The following LATS2 variants were observed in gnomAD, a reference collection of about 807,000 sequenced individuals.
LATS2 encodes large tumor suppressor kinase 2.
LATS2 carries 24 observed loss-of-function variants against 76.0 expected under a neutral mutation model. The observed-to-expected ratio is 0.32, with a 90% CI of 0.23 to 0.44. LATS2 has a LOEUF of 0.44. LATS2 is among the 20% of genes least tolerant of loss of function. LATS2 has a pLI of 1.00. For synonymous variants in LATS2, 692 were observed against 635.4 expected, an observed-to-expected ratio of 1.09 and a Z score of -1.34; for missense variants, 1,286 against 1,481.2, an observed-to-expected ratio of 0.87 and a Z score of 2.16.
rs55869942 is a variant in LATS2 at position 20,975,245 on chromosome 13, G to T, written c.2892C>A (p.Ala964=). 6.2e-7 allele frequency: 1 copy of T among 1,614,108 alleles called. No homozygotes were observed. The highest frequency in any genetic ancestry group is 2.2e-5 in the East Asian group (1 of 44,880). The stretch of plus-strand genomic sequence containing the variant: ...AGAAGGGGTGGGCCTTCAGGTCATC[G>T]GCCCCATTCCGCCCCAGGCGGTGGT... ...SADHRLGRNG[A]DDLKAHPFFS... The change falls in exon 8 of 8, where the codon GCC becomes GCA. Residue 964 remains alanine, a synonymous_variant. Transcript: ENST00000382592.
intron 6 of LATS2, among the ~76,000 whole-genome samples, chr13:20,980,078 A>T (rs688663): frequency 0.78 from 118,116 of 152,160 alleles, 46,571 homozygotes; most frequent in Middle Eastern, 0.85. Context: ...AATAGTTACT[A>T]GCCAGAATTT....
chr13:20,992,021 G>C (rs1385165629), intron 2 of LATS2, among the ~76,000 whole-genome samples: 1 of 152,192 alleles, frequency 6.6e-6, no homozygotes, highest in South Asian at 2.1e-4. Flanking sequence ...CAAACTGCTT[G>C]TGGGAAGAAC....
intron 1 of LATS2, among the ~76,000 whole-genome samples, chr13:21,048,588 T>C (rs1051679476): frequency 6.6e-6 from 1 of 152,114 alleles, no homozygotes; most frequent in Non-Finnish European, 1.5e-5. Context: ...CCCAGCCACT[T>C]TGGGAGGTCA....
chr13:20,979,167 T>TATAAA (rs1869759079), intron 7 of LATS2, among the ~76,000 whole-genome samples: 1 of 152,210 alleles, frequency 6.6e-6, no homozygotes, highest in African/African-American at 2.4e-5. Flanking sequence ...ATCTAATACA[T>TATAAA]ATAAAATACA....
rs2138296648 is a variant in LATS2 at position 20,991,286 on chromosome 13, T to G, written c.461A>C (p.Lys154Thr). 1 of 1,614,200 alleles carries G rather than the reference T, an allele frequency of 6.2e-7. No individual in the cohort carries two copies. The highest frequency in any genetic ancestry group is 1.3e-5 in the African/African-American group (1 of 75,072). The change falls in exon 3 of 8, where the codon AAG becomes ACG. Residue 154 changes from lysine (K) to threonine (T), a missense_variant. This residue lies in a region of LATS2 where 18 missense variants were observed against 58.5 expected (regional missense o/e 0.31). Coordinates refer to ENST00000382592, the MANE Select transcript of LATS2 (RefSeq NM_014572.3). The surrounding 1 kb of genome is among the most constrained non-coding windows in gnomAD (Gnocchi z 4.9). ...CCTGGGCTCACCTGGGGAGGTCTGCTTAATGACCCGCACAATCTGCTCATT... is the reference window on the plus strand; with the variant it reads ...CCTGGGCTCACCTGGGGAGGTCTGCGTAATGACCCGCACAATCTGCTCATT... ...PRNEQIVRVI[K>T]QTSPGKGLMP...
intron 1 of LATS2, among the ~76,000 whole-genome samples, chr13:21,057,543 G>A (rs1196955813): frequency 1.3e-5 from 2 of 152,156 alleles, no homozygotes; most frequent in Admixed American, 6.5e-5. Flanking sequence ...CAGGCCGGGC[G>A]CGGTGGCTCA....
chr13:21,014,017 A>AGAGGAGGAAGAGGAG (rs1871699501), intron 2 of LATS2, among the ~76,000 whole-genome samples: 1 of 151,668 alleles, frequency 6.6e-6, no homozygotes, highest in South Asian at 2.1e-4. Context: ...GAGGAAGAGA[A>AGAGGAGGAAGAGGAG]GAGGAGGAAG....
At chr13:21,039,278 G>A (rs953711539) in intron 2 of LATS2, among the ~76,000 whole-genome samples, 1 of 152,118 alleles carries the variant, frequency 6.6e-6, no homozygotes, top group Non-Finnish European at 1.5e-5. Context: ...TTCAGCACGC[G>A]TGTTCAGTAA....
chr13:21,045,156 T>C (rs1048455022), intron 2 of LATS2, among the ~76,000 whole-genome samples: 96 of 152,234 alleles, frequency 6.3e-4, no homozygotes, highest in African/African-American at 2.2e-3. Context: ...TTCTAGTTTT[T>C]CCCATTTCCT....
chr13:21,032,231 C>G (rs1241715379), intron 2 of LATS2, among the ~76,000 whole-genome samples: 1 of 152,152 alleles, frequency 6.6e-6, no homozygotes, highest in African/African-American at 2.4e-5. Context: ...AATTCACATA[C>G]AAACTGATTT....
At chr13:21,003,240 T>G (rs674533) in intron 2 of LATS2, among the ~76,000 whole-genome samples, 33,084 of 151,916 alleles carry the variant, frequency 0.22, 3,715 homozygotes, top group Middle Eastern at 0.26. Context: ...TAAATATGTA[T>G]TTTTAAATTT....
intron 7 of LATS2, among the ~76,000 whole-genome samples, chr13:20,978,554 G>T (rs1401700511): frequency 6.6e-6 from 1 of 152,078 alleles, no homozygotes; most frequent in Non-Finnish European, 1.5e-5. Flanking sequence ...TCCAAATAAA[G>T]AAACTGCTTT....
At position 21,040,408 on chromosome 13, in the gene LATS2, G is replaced by GAA. The variant is rs1565963099; in HGVS notation, c.342+5275_342+5276dup. 5.2e-3 allele frequency among the ~76,000 whole-genome samples: 786 copies of GAA among 150,600 alleles called. 7 individuals carry two copies. Among genetic ancestry groups the GAA allele is most frequent in the African/African-American group, 0.019 (753 of 40,414 alleles). ...AAAAAAAAAGAAAGAAAAAGAAAAAGAAAGAAATGTCTTTGCTGTGGAAGT... is the reference window on the plus strand; with the variant it reads ...AAAAAAAAAGAAAGAAAAAGAAAAAGAAAAAGAAATGTCTTTGCTGTGGAAGT... On this transcript the variant is annotated intron_variant, in intron 2 of 7. Transcript: ENST00000382592.
chr13:21,008,934 C>T (rs1201344012), intron 2 of LATS2, among the ~76,000 whole-genome samples: 5 of 152,140 alleles, frequency 3.3e-5, no homozygotes, highest in Non-Finnish European at 5.9e-5. Context: ...ATCTAAATGT[C>T]CATCACCAGG....
intron 2 of LATS2, among the ~76,000 whole-genome samples, chr13:21,010,003 C>G (rs1871520851): frequency 6.6e-6 from 1 of 152,094 alleles, no homozygotes; most frequent in African/African-American, 2.4e-5. Context: ...TGTTCGAGAC[C>G]AGCCTGGCCA....
intron 7 of LATS2, 116 bp downstream of exon 7, chr13:20,979,575 C>A: frequency 2.2e-6 from 1 of 462,370 alleles, no homozygotes; most frequent in South Asian, 5.4e-5. Context: ...CCATCCTATA[C>A]AACTGCCATT....
intron 1 of LATS2, among the ~76,000 whole-genome samples, chr13:21,053,515 G>T (rs1873348888): frequency 6.6e-6 from 1 of 152,164 alleles, no homozygotes; most frequent in Admixed American, 6.5e-5. Context: ...AACATCTGTT[G>T]AAAGACACAG....
intron 2 of LATS2, among the ~76,000 whole-genome samples, chr13:21,029,547 C>G (rs1372051950): frequency 2.0e-5 from 3 of 152,188 alleles, no homozygotes; most frequent in African/African-American, 7.2e-5. Flanking sequence ...AATCCCAGGA[C>G]TTTGGGAGGC....
intron 7 of LATS2, among the ~76,000 whole-genome samples, chr13:20,979,421 C>T (rs1007433903): frequency 2.6e-5 from 4 of 151,802 alleles, no homozygotes; most frequent in African/African-American, 9.7e-5. Flanking sequence ...ACTGTTCTTG[C>T]CTGGAAATAG....
Sources: gnomAD v4.1 joint callset for allele counts (sites outside exome capture counted in the v4.1 genomes callset) on GRCh38, gnomAD v4.1.1 for gene constraint, gnomAD v4.1.1 regional missense constraint, Gnocchi (gnomAD v3.1) non-coding constraint, MANE v1.5 for transcripts, NCBI Gene and HGNC (gene_info 2026-07-23, HGNC 2026-07-21) for gene names.